Variants in PTPRD observed in about 807,000 individuals in gnomAD.
PTPRD encodes the protein protein tyrosine phosphatase receptor type D.
In PTPRD, 34 loss-of-function variants were observed where a neutral mutation model predicts 214.5. The ratio of observed to expected loss-of-function variants is 0.16; its 90% CI spans 0.12 to 0.21. The LOEUF (loss-of-function observed/expected upper bound fraction) is 0.21, where lower values mean the gene tolerates loss of function less well. Ranked by LOEUF, PTPRD falls within the 10% of genes least tolerant of loss-of-function variation. The pLI is 1.00. For synonymous variants in PTPRD, 1,128 were observed against 845.7 expected, an observed-to-expected ratio of 1.33 and a Z score of -5.79; for missense variants, 2,545 against 2,398.7, an observed-to-expected ratio of 1.06 and a Z score of -1.27.
intron 2 of PTPRD, among the ~76,000 whole-genome samples, chr9:10,564,777 G>C (rs1223584774): frequency 6.6e-6 from 1 of 152,076 alleles, no homozygotes; most frequent in Non-Finnish European, 1.5e-5. Flanking sequence ...CTTCTCATTT[G>C]AAACACCTAG....
At chr9:9,032,473 G>T (rs1215408667) in intron 10 of PTPRD, among the ~76,000 whole-genome samples, 1 of 151,962 alleles carries the variant, frequency 6.6e-6, no homozygotes, top group African/African-American at 2.4e-5. Context: ...GGGCAGTCAT[G>T]GAGCAAAAAT....
At chr9:10,002,729 T>G (rs532994928) in intron 4 of PTPRD, among the ~76,000 whole-genome samples, 2 of 150,326 alleles carry the variant, frequency 1.3e-5, no homozygotes, top group Non-Finnish European at 3.0e-5. Flanking sequence ...ATAGAAAATT[T>G]AACAATATGT....
intron 5 of PTPRD, among the ~76,000 whole-genome samples, chr9:9,878,516 A>T (rs753603527): frequency 6.6e-6 from 1 of 152,210 alleles, no homozygotes; most frequent in Non-Finnish European, 1.5e-5. Context: ...TAAATGTAAT[A>T]GCAGACAAAT....
At chr9:9,200,230 G>A (rs991400317) in intron 9 of PTPRD, among the ~76,000 whole-genome samples, 1 of 152,188 alleles carries the variant, frequency 6.6e-6, no homozygotes, top group Non-Finnish European at 1.5e-5. Context: ...CAGAAAATTT[G>A]AGCAAAAATC....
chr9:9,965,050 G>A (rs10116230), intron 4 of PTPRD, among the ~76,000 whole-genome samples: 320 of 152,218 alleles, frequency 2.1e-3, no homozygotes, highest in African/African-American at 7.4e-3. Flanking sequence ...AATAAATTAA[G>A]TCTGTTCATT....
At chr9:9,509,702 G>C (rs1478215998) in intron 8 of PTPRD, among the ~76,000 whole-genome samples, 1 of 151,574 alleles carries the variant, frequency 6.6e-6, no homozygotes, top group African/African-American at 2.4e-5. Context: ...CATTGTGGCA[G>C]TGATTGGCTT....
At chr9:9,747,618 C>T (rs1235541857) in intron 6 of PTPRD, among the ~76,000 whole-genome samples, 2 of 150,682 alleles carry the variant, frequency 1.3e-5, no homozygotes, top group Non-Finnish European at 2.9e-5. Flanking sequence ...ACCATCTCAG[C>T]TCACTGCAAC....
chr9:8,802,811 G>A (rs1311822557), intron 11 of PTPRD, among the ~76,000 whole-genome samples: 5 of 152,152 alleles, frequency 3.3e-5, no homozygotes, highest in African/African-American at 1.2e-4. Context: ...CAGTGCTTTG[G>A]GAGGCCAAGG....
At chr9:8,678,254 C>G (rs1596717191) in intron 12 of PTPRD, among the ~76,000 whole-genome samples, 3 of 152,154 alleles carry the variant, frequency 2.0e-5, no homozygotes, top group African/African-American at 7.2e-5. Context: ...CCTCACTGTC[C>G]TTACGACCCC....
At chr9:9,311,560 G>C (rs181158527) in intron 9 of PTPRD, among the ~76,000 whole-genome samples, 12 of 152,246 alleles carry the variant, frequency 7.9e-5, no homozygotes, top group Non-Finnish European at 1.5e-4. Context: ...GAGAAAATAA[G>C]TAAAGGTTAT....
At chr9:8,647,564 T>C (rs1347656441) in intron 12 of PTPRD, among the ~76,000 whole-genome samples, 1 of 152,214 alleles carries the variant, frequency 6.6e-6, no homozygotes, top group Non-Finnish European at 1.5e-5. Flanking sequence ...TTCTGCTATT[T>C]CAATCAGAAA....
At chr9:8,585,532 T>C (rs1427178302) in intron 14 of PTPRD, among the ~76,000 whole-genome samples, 1 of 152,190 alleles carries the variant, frequency 6.6e-6, no homozygotes, top group Non-Finnish European at 1.5e-5. Context: ...GGGATTTAAT[T>C]TCATTTGGGT....
intron 12 of PTPRD, among the ~76,000 whole-genome samples, chr9:8,691,143 C>T (rs1039972310): frequency 6.6e-6 from 1 of 152,130 alleles, no homozygotes; most frequent in Non-Finnish European, 1.5e-5. Context: ...CTCGTGGCCA[C>T]ATCCCCGAAT....
At chr9:10,520,319 G>A (rs1434672876) in intron 2 of PTPRD, among the ~76,000 whole-genome samples, 1 of 152,158 alleles carries the variant, frequency 6.6e-6, no homozygotes, top group Non-Finnish European at 1.5e-5. Context: ...CTTAAGCCAA[G>A]CCCTAAACCA....
chr9:10,050,418 G>A (rs1258958944), intron 3 of PTPRD, among the ~76,000 whole-genome samples: 1 of 151,394 alleles, frequency 6.6e-6, no homozygotes, highest in Non-Finnish European at 1.5e-5. Flanking sequence ...AAACTAGCCA[G>A]GCGTGGTGGC....
chr9:9,644,703 T>C (rs1025109868), intron 7 of PTPRD, among the ~76,000 whole-genome samples: 1 of 138,682 alleles, frequency 7.2e-6, no homozygotes, highest in Non-Finnish European at 1.6e-5. Flanking sequence ...CCAGCCAAAA[T>C]GTTGCTTTTT....
intron 7 of PTPRD, among the ~76,000 whole-genome samples, chr9:9,720,586 C>T (rs1051620827): frequency 2.0e-5 from 3 of 152,144 alleles, no homozygotes; most frequent in East Asian, 1.9e-4. Context: ...CACCTCCATA[C>T]GTGAATCTAA....
chr9:8,373,288 C>G (rs1340564979), intron 39 of PTPRD, among the ~76,000 whole-genome samples: 2 of 151,858 alleles, frequency 1.3e-5, no homozygotes, highest in Non-Finnish European at 2.9e-5. Context: ...TGGATGTTGA[C>G]GATGTTGACA....
intron 3 of PTPRD, among the ~76,000 whole-genome samples, chr9:10,047,985 A>G (rs1395213776): frequency 6.6e-6 from 1 of 152,176 alleles, no homozygotes; most frequent in African/African-American, 2.4e-5. Context: ...AGTTCCCATT[A>G]TAACAGAGTG....
Sources: allele counts gnomAD v4.1 joint callset (sites outside exome capture counted in the v4.1 genomes callset), GRCh38; gene constraint gnomAD v4.1.1; transcripts MANE v1.5; gene names NCBI Gene and HGNC (gene_info 2026-07-23, HGNC 2026-07-21).